The following ARHGAP6 variants were observed in gnomAD, a reference collection of about 807,000 sequenced individuals.
The protein encoded by ARHGAP6 is rho GTPase-activating protein 6.
Under a neutral mutation model 55.7 loss-of-function variants are expected in ARHGAP6, and 16 were observed. The observed-to-expected ratio is 0.29, with a 90% confidence interval of 0.19 to 0.44. ARHGAP6 has a LOEUF of 0.44. Ranked by LOEUF, ARHGAP6 falls within the 20% of genes least tolerant of loss-of-function variation. ARHGAP6 has a pLI of 1.00. For synonymous variants in ARHGAP6, 382 were observed against 360.9 expected, an observed-to-expected ratio of 1.06 and a Z score of -0.66; for missense variants, 698 against 808.9, an observed-to-expected ratio of 0.86 and a Z score of 1.66.
chrX:11,206,536 T>C (rs905499419), intron 2 of ARHGAP6, among the ~76,000 whole-genome samples: 9 of 112,248 alleles, frequency 8.0e-5, no homozygotes, highest in African/African-American at 2.9e-4. Flanking sequence ...CAAGCTGATC[T>C]GCCAACATTC....
At chrX:11,387,795 C>T (rs997569625) in intron 1 of ARHGAP6, among the ~76,000 whole-genome samples, 4 of 110,937 alleles carry the variant, frequency 3.6e-5, no homozygotes, top group Non-Finnish European at 5.7e-5. Context: ...TGAGTGAGAA[C>T]ATGCGGTGTT....
chrX:11,362,720 G>A (rs894481730), intron 1 of ARHGAP6, among the ~76,000 whole-genome samples: 13 of 110,738 alleles, frequency 1.2e-4, no homozygotes, highest in African/African-American at 4.3e-4. Flanking sequence ...TTGAAAAAAA[G>A]TATTTCCTCC....
chrX:11,620,764 T>A (rs1034578379), intron 1 of ARHGAP6, among the ~76,000 whole-genome samples: 31 of 112,048 alleles, frequency 2.8e-4, no homozygotes, highest in Non-Finnish European at 5.8e-4. Context: ...TTGGTGGTCA[T>A]AACTGGAGGG....
intron 1 of ARHGAP6, among the ~76,000 whole-genome samples, chrX:11,420,512 C>T (rs964197064): frequency 9.0e-6 from 1 of 111,323 alleles, no homozygotes; most frequent in Admixed American, 9.6e-5. Flanking sequence ...CATGCAGTGA[C>T]ATGGCCAGGA....
At chrX:11,309,618 C>T (rs1290954687) in intron 1 of ARHGAP6, among the ~76,000 whole-genome samples, 1 of 110,990 alleles carries the variant, frequency 9.0e-6, no homozygotes, top group African/African-American at 3.3e-5. Context: ...TGGCAGTTTA[C>T]AGTAGATGGT....
Position 11,445,642 on chromosome X carries a change from G to A in ARHGAP6, c.589-190935C>T, listed in dbSNP as rs185365836. Among the ~76,000 whole-genome samples, 13 of 111,939 alleles carry A rather than the reference G, an allele frequency of 1.2e-4. No individual in the cohort carries two copies. The East Asian group carries it at 3.7e-3, about 32-fold the overall frequency. On this transcript the variant is annotated intron_variant, in intron 1 of 12. Transcript: ENST00000337414. ...TCTGGAACTTTGCAACATCTTATTA[G>A]GGCAGTGGTTTCAACCAGGGTGATT...
intron 1 of ARHGAP6, among the ~76,000 whole-genome samples, chrX:11,275,056 C>T (rs1293714216): frequency 1.8e-5 from 2 of 111,772 alleles, no homozygotes; most frequent in Non-Finnish European, 3.8e-5. Context: ...GACATTCATA[C>T]TAGAGTGATG....
At chrX:11,182,536 G>A (rs932171723) in intron 5 of ARHGAP6, among the ~76,000 whole-genome samples, 90 of 110,076 alleles carry the variant, frequency 8.2e-4, no homozygotes, top group African/African-American at 2.1e-3. Flanking sequence ...TAGAAAATGC[G>A]GAAAAATGTA....
At chrX:11,466,196 C>A (rs1444475042) in intron 1 of ARHGAP6, among the ~76,000 whole-genome samples, 1 of 111,484 alleles carries the variant, frequency 9.0e-6, no homozygotes, top group Non-Finnish European at 1.9e-5. Context: ...CCTGTACTAC[C>A]ATCTTTGGAA....
intron 1 of ARHGAP6, among the ~76,000 whole-genome samples, chrX:11,596,453 T>A (rs780419228): frequency 9.0e-6 from 1 of 110,682 alleles, no homozygotes; most frequent in South Asian, 4.0e-4. Context: ...GGGATAACAT[T>A]AGGAGAAATA....
At chrX:11,361,526 T>C (rs1390713736) in intron 1 of ARHGAP6, among the ~76,000 whole-genome samples, 5 of 110,348 alleles carry the variant, frequency 4.5e-5, no homozygotes, top group Admixed American at 9.7e-5. Context: ...AAGACTTAAA[T>C]GTTAGACCTA....
At chrX:11,520,216 G>T in intron 1 of ARHGAP6, among the ~76,000 whole-genome samples, 1 of 83,824 alleles carries the variant, frequency 1.2e-5, no homozygotes, top group African/African-American at 4.5e-5. Flanking sequence ...CAATGTGCAG[G>T]TTTGTTACAT....
intron 1 of ARHGAP6, among the ~76,000 whole-genome samples, chrX:11,394,500 C>A (rs1281759690): frequency 9.0e-6 from 1 of 111,371 alleles, no homozygotes; most frequent in African/African-American, 3.3e-5. Flanking sequence ...CACTGAATTG[C>A]ACACTTAAAC....
At chrX:11,624,025 T>C (rs1044314257) in intron 1 of ARHGAP6, among the ~76,000 whole-genome samples, 19 of 111,355 alleles carry the variant, frequency 1.7e-4, no homozygotes, top group African/African-American at 5.2e-4. Flanking sequence ...GGCATAAAAA[T>C]AGACACAGAC....
At chrX:11,356,958 T>C (rs2048937684) in intron 1 of ARHGAP6, among the ~76,000 whole-genome samples, 1 of 112,023 alleles carries the variant, frequency 8.9e-6, no homozygotes, top group African/African-American at 3.2e-5. Context: ...AGAATATTAT[T>C]GTAGAGCATA....
intron 8 of ARHGAP6, among the ~76,000 whole-genome samples, chrX:11,177,391 C>A (rs1423117314): frequency 9.3e-6 from 1 of 108,107 alleles, no homozygotes; most frequent in African/African-American, 3.4e-5. Context: ...CACACTGGGG[C>A]CTGAGTGGGG....
chrX:11,301,035 G>A (rs367667470), intron 1 of ARHGAP6, among the ~76,000 whole-genome samples: 1 of 111,518 alleles, frequency 9.0e-6, no homozygotes, highest in Non-Finnish European at 1.9e-5. Flanking sequence ...ACCAAATGAA[G>A]GGAAGTTTAT....
intron 1 of ARHGAP6, among the ~76,000 whole-genome samples, chrX:11,493,290 T>C (rs1316854559): frequency 9.0e-6 from 1 of 111,711 alleles, no homozygotes; most frequent in African/African-American, 3.3e-5. Context: ...AACATGGCAA[T>C]GAGGGGCAGT....
intron 12 of ARHGAP6, among the ~76,000 whole-genome samples, chrX:11,140,448 A>C (rs1046923460): frequency 9.3e-6 from 1 of 107,626 alleles, no homozygotes; most frequent in Non-Finnish European, 1.9e-5. Context: ...AAAAAAAAAA[A>C]CTAAACGAAT....
Sources: gnomAD v4.1 joint callset for allele counts (sites outside exome capture counted in the v4.1 genomes callset) on GRCh38, gnomAD v4.1.1 for gene constraint, MANE v1.5 for transcripts, NCBI Gene and HGNC (gene_info 2026-07-23, HGNC 2026-07-21) for gene names.